ACSL1: variants seen among roughly 807,000 people sequenced by gnomAD.
ACSL1 encodes the protein acyl-CoA synthetase long chain family member 1.
Under a neutral mutation model 98.4 loss-of-function variants are expected in ACSL1, and 41 were observed. The ratio of observed to expected loss-of-function variants is 0.42; its 90% CI spans 0.32 to 0.54. ACSL1 has a LOEUF of 0.54. Ranked by LOEUF, ACSL1 falls within the 20% of genes least tolerant of loss-of-function variation. ACSL1 has a pLI of 0.13. For synonymous variants in ACSL1, 316 were observed against 322.7 expected (o/e 0.98, Z 0.22); for missense variants, 734 against 883.1 (o/e 0.83, Z 2.14).
intron 1 of ACSL1, among the ~76,000 whole-genome samples, chr4:184,818,491 G>A (rs551030366): frequency 6.6e-6 from 1 of 152,266 alleles, no homozygotes; most frequent in Admixed American, 6.5e-5. Context: ...TAAGATCTAC[G>A]TTTTGCACAG....
Position 184,762,394 on chromosome 4 carries a change from G to A in ACSL1, c.1638+13C>T, listed in dbSNP as rs1350415511. On this transcript the variant is annotated intron_variant, in intron 17 of 20. Transcript: ENST00000281455. ...AACTGAACTGTTTGTGACCTGAGGA[G>A]GCGGCAACTTACTGGTAACCATTTT... is the stretch of plus-strand genomic sequence containing the variant. The A allele has an allele frequency of 1.3e-6, 2 of 1,598,490 alleles. No individual in the cohort carries two copies. Among genetic ancestry groups the A allele is most frequent in the East Asian group, 2.2e-5 (1 of 44,818 alleles).
intron 17 of ACSL1, among the ~76,000 whole-genome samples, chr4:184,761,358 A>G (rs1438195388): frequency 6.6e-6 from 1 of 152,238 alleles, no homozygotes; most frequent in Admixed American, 6.5e-5. Context: ...TTTTCTAATC[A>G]ATACAAATTC....
At chr4:184,779,203 G>A (rs539335382) in intron 5 of ACSL1, among the ~76,000 whole-genome samples, 8 of 152,172 alleles carry the variant, frequency 5.3e-5, no homozygotes, top group Non-Finnish European at 1.0e-4. Context: ...ACGTGTTGTG[G>A]GAGGGACCCT....
chr4:184,813,442 G>C (rs547052025), intron 1 of ACSL1, among the ~76,000 whole-genome samples: 50 of 152,272 alleles, frequency 3.3e-4, no homozygotes, highest in Middle Eastern at 6.8e-3. Context: ...TTTTTAGGCT[G>C]ACGCAATCCT....
intron 17 of ACSL1, 101 bp downstream of exon 17, chr4:184,762,306 T>C (rs1345809697): frequency 2.0e-6 from 2 of 980,000 alleles, no homozygotes; most frequent in Admixed American, 1.7e-5. Context: ...AAAGAGAAAA[T>C]TCAGGGTGCC....
intron 1 of ACSL1, among the ~76,000 whole-genome samples, chr4:184,823,839 G>A (rs982867364): frequency 3.3e-5 from 5 of 152,146 alleles, no homozygotes; most frequent in East Asian, 1.9e-4. Context: ...TCTGAATTAC[G>A]TTCATTTTTC....
At chr4:184,826,080 C>T (rs1241933951), upstream of ACSL1, 4 of 147,228 alleles carry the variant, frequency 2.7e-5, no homozygotes, top group East Asian at 7.8e-4. Context: ...CTGGTGCGCT[C>T]GCCGCGCCGG....
chr4:184,788,203 T>G (rs61671361), intron 3 of ACSL1, among the ~76,000 whole-genome samples: 1,609 of 152,278 alleles, frequency 0.011, 42 homozygotes, highest in African/African-American at 0.037. Flanking sequence ...GAGCCAACAT[T>G]TCCCAAGTAT....
intron 2 of ACSL1, among the ~76,000 whole-genome samples, chr4:184,791,434 T>A (rs977323924): frequency 6.6e-6 from 1 of 152,188 alleles, no homozygotes; most frequent in Non-Finnish European, 1.5e-5. Context: ...CTTCTCAAAG[T>A]GTGCTCTGCG....
At chr4:184,819,410 T>G (rs1472747637) in intron 1 of ACSL1, among the ~76,000 whole-genome samples, 2 of 152,112 alleles carry the variant, frequency 1.3e-5, no homozygotes, top group African/African-American at 4.8e-5. Flanking sequence ...CCCAAAGTGC[T>G]GAGATTACAG....
intron 2 of ACSL1, among the ~76,000 whole-genome samples, chr4:184,800,379 T>C (rs951789357): frequency 6.6e-6 from 1 of 152,144 alleles, no homozygotes; most frequent in Non-Finnish European, 1.5e-5. Flanking sequence ...CAACCACGTG[T>C]GTCTGGGCTC....
At chr4:184,785,600 C>CCGGGGGGGGGGGG (rs1392500206) in intron 3 of ACSL1, among the ~76,000 whole-genome samples, 1 of 19,146 alleles carries the variant, frequency 5.2e-5, no homozygotes, top group African/African-American at 8.0e-5. Flanking sequence ...TCCTCCTGGG[C>CCGGGGGGGGGGGG]GGGGGCGGGG....
chr4:184,805,995 C>T (rs1771368618), intron 1 of ACSL1, among the ~76,000 whole-genome samples: 1 of 152,112 alleles, frequency 6.6e-6, no homozygotes, highest in Admixed American at 6.5e-5. Context: ...AACAGATTGC[C>T]CAGAGCATGC....
At chr4:184,808,520 T>A (rs537299327) in intron 1 of ACSL1, 1 of 985,238 alleles carries the variant, frequency 1.0e-6, no homozygotes, top group African/African-American at 1.7e-5. Flanking sequence ...CAACCCAAGC[T>A]GGCAAGATGC....
chr4:184,789,836 T>G (rs1243565956), intron 2 of ACSL1, among the ~76,000 whole-genome samples: 3 of 151,938 alleles, frequency 2.0e-5, no homozygotes, highest in African/African-American at 7.3e-5. Flanking sequence ...AAGCAGTCTT[T>G]AGAGACTGAT....
rs2150442109 is a variant in ACSL1 at position 184,803,092 on chromosome 4, T to C, written c.195+228A>G. Among the ~76,000 whole-genome samples the C allele has an allele frequency of 6.6e-6, 1 of 152,324 alleles. No individual in the cohort carries two copies. The highest frequency in any genetic ancestry group is 2.4e-5 in the African/African-American group (1 of 41,584). On this transcript the variant is annotated intron_variant, in intron 2 of 20. Coordinates refer to ENST00000281455, the MANE Select transcript of ACSL1 (RefSeq NM_001995.5). The surrounding 1 kb of genome is among the most constrained non-coding windows in gnomAD (Gnocchi z 4.8). ...CTCAATGTCATTTCTAGAATGATCT[T>C]CCATGTGACGAGAGGTAGACACCCA...
rs143941469 is a variant in ACSL1, at chr4:184,760,279, A to G, written c.1782+78T>C. On this transcript the variant is annotated intron_variant, in intron 18 of 20. Coordinates refer to ENST00000281455, the MANE Select transcript of ACSL1 (RefSeq NM_001995.5). ...CAAGTGATAGGCGTCTCAAACTTCC[A>G]ATCACATTTAAAGCCCCTGGAGTAC... is the stretch of plus-strand genomic sequence containing the variant. 494 of 1,504,584 alleles carry G rather than the reference A, an allele frequency of 3.3e-4. 2 individuals are homozygous for G. In the African/African-American group the frequency reaches 6.2e-3, roughly 19 times the overall value. 93.2% of individuals were successfully genotyped at this position (1,504,584 alleles called of 1,614,324 possible).
chr4:184,768,385 A>G lies in ACSL1; in HGVS notation c.1059T>C (p.Asp353=). Residue 353 remains aspartate, a synonymous_variant, in exon 12 of 21, where the codon GAT becomes GAC. Transcript: ENST00000281455. ...CAGTGGGTTGAAGCACCTTGAGGTC[A>G]TCCATGAGCAGCCTGATATCTCCTT... is the stretch of plus-strand genomic sequence containing the variant. ...FFQGDIRLLM[D]DLKVLQPTVF... 2 of 1,613,916 alleles carry G rather than the reference A, an allele frequency of 1.2e-6. No individual in the cohort carries two copies. The highest frequency in any genetic ancestry group is 1.7e-6 in the Non-Finnish European group (2 of 1,179,978).
In ACSL1 at chr4:184,766,050, C is replaced by T; in HGVS notation, c.1264-64G>A. The T allele has an allele frequency of 6.6e-7, 1 of 1,520,406 alleles. No individual in the cohort carries two copies. Among genetic ancestry groups the T allele is most frequent in the Non-Finnish European group, 9.1e-7 (1 of 1,102,618 alleles). 94.2% of individuals were successfully genotyped at this position (1,520,406 alleles called of 1,614,324 possible). A position where few individuals can be genotyped will look rare whatever the true frequency, so the allele number is the denominator to read the frequency against. On this transcript the variant is annotated intron_variant, in intron 13 of 20. Coordinates refer to ENST00000281455, the MANE Select transcript of ACSL1 (RefSeq NM_001995.5). The surrounding 1 kb of genome is among the most constrained non-coding windows in gnomAD (Gnocchi z 4.8). ...CACCTGGAAGTCGGCGGCCTCTCCGCCAAGGGGGCCTGCTTGGGACCCCGT... is the reference window on the plus strand; with the variant it reads ...CACCTGGAAGTCGGCGGCCTCTCCGTCAAGGGGGCCTGCTTGGGACCCCGT...
Sources: gnomAD v4.1 joint callset for allele counts (sites outside exome capture counted in the v4.1 genomes callset) on GRCh38, gnomAD v4.1.1 for gene constraint, Gnocchi (gnomAD v3.1) non-coding constraint, MANE v1.5 for transcripts, NCBI Gene and HGNC (gene_info 2026-07-23, HGNC 2026-07-21) for gene names.